The following EVL variants were observed in gnomAD, a reference collection of about 807,000 sequenced individuals.
The protein encoded by EVL is ena/VASP-like protein.
A neutral mutation model predicts 59.6 loss-of-function variants in EVL; 21 were observed. That is an observed-to-expected ratio of 0.35 (90% CI 0.25 to 0.51). The LOEUF (loss-of-function observed/expected upper bound fraction) is 0.51. Ranked by LOEUF, EVL falls within the 20% of genes least tolerant of loss-of-function variation. EVL has a pLI of 0.97. For missense variants in EVL, 462 were observed against 546.6 expected (o/e 0.85, Z 1.54); for synonymous variants, 198 against 203.5 (o/e 0.97, Z 0.23).
At chr14:100,132,593 C>A in intron 7 of EVL, 126 bp from the exon 8 acceptor site, 1 of 1,094,232 alleles carries the variant, frequency 9.1e-7, no homozygotes, top group Non-Finnish European at 1.4e-6. Flanking sequence ...CTCCTTCACG[C>A]CATCGTTTTC....
chr14:100,021,539 G>T (rs2061124736), intron 1 of EVL, among the ~76,000 whole-genome samples: 1 of 152,200 alleles, frequency 6.6e-6, no homozygotes, highest in Admixed American at 6.5e-5. Context: ...GGGCAACACA[G>T]GGACTCTAGA....
At chr14:100,099,905 G>C (rs1483511994) in intron 3 of EVL, among the ~76,000 whole-genome samples, 4 of 134,808 alleles carry the variant, frequency 3.0e-5, no homozygotes, top group Non-Finnish European at 6.1e-5. Context: ...GCAGATACTT[G>C]TAGTTTTTAT....
At chr14:100,058,701 C>T (rs746509016) in intron 1 of EVL, among the ~76,000 whole-genome samples, 1 of 152,052 alleles carries the variant, frequency 6.6e-6, no homozygotes, top group African/African-American at 2.4e-5. Context: ...AAGTAGAGAC[C>T]TGAATGCCCA....
At chr14:100,071,420 T>G (rs2140279449) in intron 1 of EVL, among the ~76,000 whole-genome samples, 1 of 152,350 alleles carries the variant, frequency 6.6e-6, no homozygotes, top group East Asian at 1.9e-4. Flanking sequence ...CATTTGCCAT[T>G]TCAGCTCTTG....
At chr14:100,090,859 C>G (rs1339193546) in intron 2 of EVL, among the ~76,000 whole-genome samples, 1 of 152,088 alleles carries the variant, frequency 6.6e-6, no homozygotes, top group Non-Finnish European at 1.5e-5. Context: ...AATTCAAGAA[C>G]AAGACAAGAA....
At chr14:100,024,287 A>C (rs1255634342) in intron 1 of EVL, among the ~76,000 whole-genome samples, 3 of 152,202 alleles carry the variant, frequency 2.0e-5, no homozygotes, top group Admixed American at 6.5e-5. Flanking sequence ...ACAAGTCAAA[A>C]TGAGTAGTAT....
exon 1 of EVL, chr14:99,971,663 C>A (rs2060732696): frequency 1.3e-5 from 2 of 150,406 alleles, no homozygotes; most frequent in South Asian, 4.2e-4. Flanking sequence ...CCCGCGCACT[C>A]GCCAGGGGCC....
chr14:100,060,915 T>C (rs1468664707), upstream of EVL, among the ~76,000 whole-genome samples: 4 of 146,612 alleles, frequency 2.7e-5, no homozygotes, highest in Non-Finnish European at 4.4e-5. Context: ...GGCTGACTTC[T>C]CAGAAACCAT....
In EVL at chr14:100,130,486, G is replaced by A. The variant is rs1045256279; in HGVS notation, c.839+802G>A. On this transcript the variant is annotated intron_variant, in intron 7 of 13. Transcript: ENST00000392920. This position sits in a 1 kb window ranked among gnomAD's most constrained non-coding sequence, Gnocchi z 4.8. The stretch of plus-strand genomic sequence containing the variant: ...CTGCCAGAACAGAGGAAGCTGCAGC[G>A]GGGGCCCTGCTCCCTTGGTAACCCC... Among the ~76,000 whole-genome samples the A allele has an allele frequency of 6.6e-6, 1 of 152,206 alleles. No homozygotes were observed. The highest frequency in any genetic ancestry group is 1.5e-5 in the Non-Finnish European group (1 of 68,032).
chr14:100,064,455 A>G (rs2061890771), upstream of EVL, among the ~76,000 whole-genome samples: 1 of 152,228 alleles, frequency 6.6e-6, no homozygotes, highest in African/African-American at 2.4e-5. Flanking sequence ...ACCCCATTTT[A>G]CAGTTGAGGC....
At chr14:100,119,412 G>A (rs1197545743) in intron 3 of EVL, among the ~76,000 whole-genome samples, 1 of 152,170 alleles carries the variant, frequency 6.6e-6, no homozygotes, top group Non-Finnish European at 1.5e-5. Context: ...CACAAACCCT[G>A]TGGCTCTGGG....
intron 1 of EVL, among the ~76,000 whole-genome samples, chr14:100,052,471 G>T (rs113730471): frequency 2.7e-4 from 41 of 152,154 alleles, no homozygotes; most frequent in African/African-American, 9.4e-4. Flanking sequence ...TGCAGGAGGG[G>T]CCAGGCACGG....
At chr14:100,002,341 A>C (rs1489173837) in intron 1 of EVL, among the ~76,000 whole-genome samples, 1 of 152,158 alleles carries the variant, frequency 6.6e-6, no homozygotes, top group South Asian at 2.1e-4. Context: ...GGAGACAACA[A>C]TTGTCTGTAG....
chr14:100,066,230 A>G (rs899743882), intron 1 of EVL, among the ~76,000 whole-genome samples: 2 of 152,192 alleles, frequency 1.3e-5, no homozygotes, highest in African/African-American at 4.8e-5. Flanking sequence ...TAAAGTAACA[A>G]TCCCTCACTT....
At chr14:100,033,334 C>T (rs1595591796) in intron 1 of EVL, among the ~76,000 whole-genome samples, 2 of 152,284 alleles carry the variant, frequency 1.3e-5, no homozygotes, top group East Asian at 1.9e-4. Context: ...ATCTAATTTT[C>T]ACAGTAATCC....
At chr14:100,080,740 C>T (rs2062281334) in intron 1 of EVL, among the ~76,000 whole-genome samples, 4 of 152,100 alleles carry the variant, frequency 2.6e-5, no homozygotes, top group Admixed American at 2.6e-4. Context: ...CTGTTAGATC[C>T]CAGGGGGGAA....
chr14:100,039,987 C>T (rs552554776), intron 1 of EVL, among the ~76,000 whole-genome samples: 3 of 152,190 alleles, frequency 2.0e-5, no homozygotes, highest in Admixed American at 1.3e-4. Context: ...GCTGTGTTGC[C>T]CAGGCTGATC....
chr14:100,084,814 A>G lies in EVL; in HGVS notation c.139A>G (p.Asn47Asp). The G allele has an allele frequency of 6.2e-7, 1 of 1,614,204 alleles. No homozygotes were observed. The highest frequency in any genetic ancestry group is 2.2e-5 in the East Asian group (1 of 44,884). The change falls in exon 2 of 14, where the codon AAC becomes GAC. Residue 47 changes from asparagine (N) to aspartate (D), a missense_variant. By Grantham distance (23) the Asn-to-Asp change is conservative. Transcript: ENST00000392920. The stretch of plus-strand genomic sequence containing the variant: ...CAACATCTACCACAACACTGCCAGC[A>G]ACACCTTCAGAGTCGTTGGAGTCAA... ...RINIYHNTAS[N>D]TFRVVGVKLQ...
chr14:100,141,989 A>G, intron 13 of EVL, 196 bp downstream of exon 13: 1 of 484,462 alleles, frequency 2.1e-6, no homozygotes, highest in Non-Finnish European at 3.7e-6. Flanking sequence ...TTGCCTAAGA[A>G]TTTGTAGCTC....
Sources: allele counts gnomAD v4.1 joint callset (sites outside exome capture counted in the v4.1 genomes callset), GRCh38; gene constraint gnomAD v4.1.1; non-coding constraint Gnocchi (gnomAD v3.1); transcripts MANE v1.5; gene names NCBI Gene and HGNC (gene_info 2026-07-23, HGNC 2026-07-21).